CPT1C: variants seen among roughly 807,000 people sequenced by gnomAD.
The protein encoded by CPT1C is palmitoyl thioesterase CPT1C.
In CPT1C, 61 loss-of-function variants were observed where a neutral mutation model predicts 97.3. That is an observed-to-expected ratio of 0.63 (90% confidence interval 0.51 to 0.78). The LOEUF (loss-of-function observed/expected upper bound fraction) is 0.78. Ranked by LOEUF, CPT1C falls within the 30% of genes least tolerant of loss-of-function variation. The pLI is 0.00. For synonymous variants in CPT1C, 469 were observed against 447.2 expected, an observed-to-expected ratio of 1.05 and a Z score of -0.61; for missense variants, 975 against 1,065.5, an observed-to-expected ratio of 0.92 and a Z score of 1.18.
chr19:49,702,085 A>ATATTTATTTATAAATTATAAATATATATT lies in CPT1C; in HGVS notation c.693+475_693+503dup, dbSNP rs1568521612. Among the ~76,000 whole-genome samples the ATATTTATTTATAAATTATAAATATATATT allele has an allele frequency of 3.8e-4, 37 of 97,982 alleles. 6 individuals are homozygous for ATATTTATTTATAAATTATAAATATATATT. Among genetic ancestry groups the ATATTTATTTATAAATTATAAATATATATT allele is most frequent in the South Asian group, 9.5e-4 (3 of 3,150 alleles). The allele number at this position is 97,982 out of a possible 152,430, so 64.3% of individuals were successfully genotyped here. Reference sequence around the variant, plus strand: ...ATATTTATTTATAAATTATAAATATATATTTATTTATAAATTATAAATATA... The same window carrying ATATTTATTTATAAATTATAAATATATATT: ...ATATTTATTTATAAATTATAAATATATATTTATTTATAAATTATAAATATATATTTATTTATTTATAAATTATAAATATA... On this transcript the variant is annotated intron_variant, in intron 7 of 19. Transcript: ENST00000598293.
At chr19:49,703,443 G>A (rs1033309400) in intron 7 of CPT1C, among the ~76,000 whole-genome samples, 2 of 149,072 alleles carry the variant, frequency 1.3e-5, no homozygotes, top group Non-Finnish European at 3.0e-5. Context: ...CTCGTGATCC[G>A]CCTGCCTCGG....
At chr19:49,708,970 C>A in intron 14 of CPT1C, 131 bp downstream of exon 14, 1 of 624,070 alleles carries the variant, frequency 1.6e-6, no homozygotes. Flanking sequence ...CCCATGCTTC[C>A]CCCACCCCCA....
At position 49,713,671 on chromosome 19, in the gene CPT1C, A is replaced by G. The variant is rs777328891; in HGVS notation, c.*66A>G. ...TGAAATTGCCACAGCTGGCTGACAC[A>G]GGACAGGGGCAACTGGTTTGGCAAC... is the stretch of plus-strand genomic sequence containing the variant. On this transcript the variant is annotated 3_prime_UTR_variant, in exon 20 of 20. Transcript: ENST00000598293. The G allele has an allele frequency of 5.6e-5, 83 of 1,482,056 alleles. 1 individual carries two copies. The Admixed American group carries it at 1.7e-3, about 30-fold the overall frequency. The allele number at this position is 1,482,056 out of a possible 1,614,324, so 91.8% of individuals were successfully genotyped here. A position where few individuals can be genotyped will look rare whatever the true frequency, so the allele number is the denominator to read the frequency against.
chr19:49,702,004 T>TATATTTATTTATAAA (rs1568520759), intron 7 of CPT1C, among the ~76,000 whole-genome samples: 2 of 9,974 alleles, frequency 2.0e-4, no homozygotes, highest in African/African-American at 3.9e-4. Flanking sequence ...TATAAATATA[T>TATATTTATTTATAAA]TAAATATATT....
intron 4 of CPT1C, chr19:49,697,794 T>A (rs552830541): frequency 1.4e-5 from 3 of 215,574 alleles, no homozygotes; most frequent in Non-Finnish European, 2.7e-5. Context: ...ATGCCTGTAA[T>A]CCCAGCACTT....
chr19:49,710,454 C>T lies in CPT1C; in HGVS notation c.1701C>T (p.Ile567=). 6.2e-7 allele frequency: 1 copy of T among 1,614,210 alleles called. No homozygotes were observed. Among genetic ancestry groups the T allele is most frequent in the Non-Finnish European group, 8.5e-7 (1 of 1,180,044 alleles). The change falls in exon 15 of 20, where the codon ATC becomes ATT. Residue 567 remains isoleucine (I), a synonymous_variant. Coordinates refer to ENST00000598293, the MANE Select transcript of CPT1C (RefSeq NM_001199753.2). ...GCCACCTCTCTTCAGACAGCTTCAT[C>T]CAGATCGCCTTGCAACTGGCCCACT... is the stretch of plus-strand genomic sequence containing the variant. ...RRCHLSSDSF[I]QIALQLAHFR...
intron 4 of CPT1C, among the ~76,000 whole-genome samples, chr19:49,699,741 G>A (rs564674278): frequency 1.1e-4 from 16 of 152,140 alleles, no homozygotes; most frequent in Non-Finnish European, 2.1e-4. Context: ...GATCACCTAA[G>A]GTCAGGAGTT....
intron 3 of CPT1C, among the ~76,000 whole-genome samples, 161 bp from the exon 4 acceptor site, chr19:49,697,165 C>T (rs1056354695): frequency 2.6e-5 from 4 of 152,220 alleles, no homozygotes; most frequent in African/African-American, 9.6e-5. Flanking sequence ...TCTGGTCTGA[C>T]CTCGCTGAGG....
Position 49,691,248 on chromosome 19 carries a change from G to T in CPT1C, c.-176G>T, listed in dbSNP as rs1471616114. On this transcript the variant is annotated 5_prime_UTR_variant, in exon 1 of 20. Coordinates refer to ENST00000598293, the MANE Select transcript of CPT1C (RefSeq NM_001199753.2). ...GCACTGGGATTGGACATATGCAAGC[G>T]GGAGATTTGGGGCCGGCGCTCAAAA... 1 of 152,110 alleles carries T rather than the reference G, an allele frequency of 6.6e-6. No homozygotes were observed. The highest frequency in any genetic ancestry group is 1.5e-5 in the Non-Finnish European group (1 of 68,054). 9.4% of individuals were successfully genotyped at this position (152,110 alleles called of 1,614,324 possible).
chr19:49,708,022 A>AAAAAAG (rs1366327347), intron 13 of CPT1C, among the ~76,000 whole-genome samples: 4 of 149,532 alleles, frequency 2.7e-5, no homozygotes, highest in Non-Finnish European at 4.4e-5. Context: ...AAAAAAAAAA[A>AAAAAAG]AAAAAGAAAA....
intron 4 of CPT1C, among the ~76,000 whole-genome samples, chr19:49,700,102 CCGGGCGTGG>C (rs1295008567): frequency 6.6e-6 from 1 of 151,638 alleles, no homozygotes; most frequent in East Asian, 1.9e-4. Flanking sequence ...CAACAAATAG[CCGGGCGTGG>C]TGGTGGGCAC....
intron 4 of CPT1C, among the ~76,000 whole-genome samples, chr19:49,699,493 TCCTGGAACGCTAGATTTA>T (rs1434577637): frequency 9.7e-6 from 1 of 102,852 alleles, no homozygotes; most frequent in Admixed American, 1.0e-4. Context: ...AAAAAAAAAT[TCCTGGAACGCTAGATTTA>T]CCCCCAGTCT....
At chr19:49,702,128 A>ATATATATTTATTTATAAT (rs2083195209) in intron 7 of CPT1C, among the ~76,000 whole-genome samples, 7 of 89,374 alleles carry the variant, frequency 7.8e-5, no homozygotes, top group African/African-American at 3.5e-4. Flanking sequence ...TTATTTATAA[A>ATATATATTTATTTATAAT]TTATAAATAA....
At chr19:49,712,564 A>G (rs1003696218) in intron 17 of CPT1C, 172 bp from the exon 18 acceptor site, 6 of 605,558 alleles carry the variant, frequency 9.9e-6, no homozygotes, top group Non-Finnish European at 1.8e-5. Context: ...GGGTGGTGAG[A>G]CGAGTGAGGG....
chr19:49,705,021 C>T lies in CPT1C; in HGVS notation c.786C>T (p.Val262=), dbSNP rs773288049. The T allele has an allele frequency of 5.0e-6, 8 of 1,599,966 alleles. No homozygotes were observed. Among genetic ancestry groups the T allele is most frequent in the Non-Finnish European group, 6.0e-6 (7 of 1,170,558 alleles). ...CTGGTCCCCAGGACTTCCTGTATGT[C>T]ACACCCACGCCTCTGCAGGCAGCTC... ...SNYYMMDFLY[V]TPTPLQAARA... The change falls in exon 9 of 20, where the codon GTC becomes GTT. Residue 262 remains valine (V), a synonymous_variant. Coordinates refer to ENST00000598293, the MANE Select transcript of CPT1C (RefSeq NM_001199753.2).
intron 13 of CPT1C, among the ~76,000 whole-genome samples, chr19:49,708,029 A>G (rs2083612544): frequency 6.8e-6 from 1 of 147,738 alleles, no homozygotes; most frequent in African/African-American, 2.5e-5. Context: ...AAAAAAAAAG[A>G]AAAGAAAAAC....
chr19:49,708,641 G>A, intron 13 of CPT1C, 82 bp from the exon 14 acceptor site: 1 of 965,226 alleles, frequency 1.0e-6, no homozygotes, highest in Non-Finnish European at 1.7e-6. Flanking sequence ...CCCGAAAAAG[G>A]GCTGCATGAA....
chr19:49,704,808 G>T, intron 8 of CPT1C, 21 bp downstream of exon 8: 4 of 1,609,588 alleles, frequency 2.5e-6, no homozygotes, highest in Non-Finnish European at 3.4e-6. Flanking sequence ...GAGGGGTGAG[G>T]TTCATAGGCC....
Position 49,712,907 on chromosome 19 carries a change from C to T in CPT1C, c.2133+58C>T, listed in dbSNP as rs564584923. 3.5e-5 allele frequency: 56 copies of T among 1,593,806 alleles called. No homozygotes were observed. The East Asian group carries it at 1.2e-3, about 33-fold the overall frequency. ...GAAAGAGGGGGCTGGGGGGCCTGCA[C>T]TCCTGCATAGTGGGGGTGGAGGGGA... is the stretch of plus-strand genomic sequence containing the variant. On this transcript the variant is annotated intron_variant, in intron 18 of 19. Transcript: ENST00000598293.
Sources: allele counts gnomAD v4.1 joint callset (sites outside exome capture counted in the v4.1 genomes callset), GRCh38; gene constraint gnomAD v4.1.1; transcripts MANE v1.5; gene names NCBI Gene and HGNC (gene_info 2026-07-23, HGNC 2026-07-21).